PGK1: variants seen among roughly 807,000 people sequenced by gnomAD.
The protein encoded by PGK1 is phosphoglycerate kinase 1.
A neutral mutation model predicts 26.9 loss-of-function variants in PGK1; 3 were observed. The observed-to-expected ratio is 0.11, with a 90% CI of 0.05 to 0.29. The LOEUF is 0.29. Ranked by LOEUF, PGK1 falls within the 10% of genes least tolerant of loss-of-function variation. The pLI, the probability that PGK1 is intolerant of heterozygous loss-of-function variation, is 1.00. For missense variants in PGK1, 270 were observed against 314.7 expected (o/e 0.86, Z 1.07); for synonymous variants, 125 against 115.3 (o/e 1.08, Z -0.54).
chrX:78,105,260 TG>T (rs1320410403), intron 1 of PGK1, among the ~76,000 whole-genome samples: 3 of 111,992 alleles, frequency 2.7e-5, no homozygotes, highest in African/African-American at 9.8e-5. Context: ...GTTGGTAGAG[TG>T]GGCAGCTTTT....
intron 6 of PGK1, among the ~76,000 whole-genome samples, chrX:78,121,366 ACTC>A (rs782167806): frequency 9.0e-6 from 1 of 111,043 alleles, no homozygotes; most frequent in Admixed American, 9.6e-5. Context: ...AAGAAATTGA[ACTC>A]CTTTCTAACT....
At chrX:78,123,443 C>T in intron 8 of PGK1, 69 bp downstream of exon 8, 2 of 861,535 alleles carry the variant, frequency 2.3e-6, no homozygotes, top group Non-Finnish European at 3.4e-6. Context: ...TTCATTGATT[C>T]AGCCAATCAA....
intron 1 of PGK1, among the ~76,000 whole-genome samples, chrX:78,104,780 C>T (rs2078261484): frequency 8.9e-6 from 1 of 111,999 alleles, no homozygotes; most frequent in African/African-American, 3.2e-5. Flanking sequence ...CTTGAAAGGT[C>T]ATTTTACTTT....
chrX:78,111,069 C>G (rs2078298596), intron 2 of PGK1, among the ~76,000 whole-genome samples: 1 of 108,201 alleles, frequency 9.2e-6, no homozygotes, highest in Admixed American at 9.9e-5. Flanking sequence ...GGGTATCCAT[C>G]AAGAAGGTTT....
intron 1 of PGK1, chrX:78,106,654 G>A: frequency 6.7e-6 from 5 of 750,213 alleles, no homozygotes; most frequent in Non-Finnish European, 7.9e-6. Context: ...GATTGCCAAG[G>A]GAAATTGATT....
At chrX:78,106,498 C>G (rs1490239386) in intron 1 of PGK1, 12 of 752,599 alleles carry the variant, frequency 1.6e-5, no homozygotes, top group Non-Finnish European at 1.7e-5. Context: ...CATGTGGTGT[C>G]AGCTCAATTC....
At chrX:78,112,085 TC>T (rs1467267445) in intron 2 of PGK1, among the ~76,000 whole-genome samples, 4 of 112,120 alleles carry the variant, frequency 3.6e-5, no homozygotes, top group African/African-American at 9.7e-5. Flanking sequence ...TATCAGACTT[TC>T]CCTGGCCATC....
intron 2 of PGK1, among the ~76,000 whole-genome samples, chrX:78,110,982 T>TA (rs2078298025): frequency 2.1e-4 from 14 of 66,299 alleles, no homozygotes; most frequent in Admixed American, 1.7e-3. Context: ...TTTTGTAGAT[T>TA]TTATATATAT....
chrX:78,115,042 G>A (rs1557247332), intron 4 of PGK1, among the ~76,000 whole-genome samples: 1 of 111,434 alleles, frequency 9.0e-6, no homozygotes, highest in East Asian at 2.8e-4. Context: ...GGGAGTGCCT[G>A]CTTTCAAGCA....
intron 2 of PGK1, among the ~76,000 whole-genome samples, chrX:78,110,805 A>G (rs782606056): frequency 7.2e-5 from 8 of 110,775 alleles, no homozygotes; most frequent in African/African-American, 2.0e-4. Context: ...AAAAACAAAC[A>G]GGAAAGACTT....
intron 1 of PGK1, chrX:78,106,696 C>CT (rs1203083406): frequency 1.4e-6 from 1 of 706,885 alleles, no homozygotes; most frequent in Non-Finnish European, 1.7e-6. Context: ...CCAGAAACCT[C>CT]TGACTTGTTA....
chrX:78,117,926 G>A, intron 5 of PGK1, 125 bp from the exon 6 acceptor site: 1 of 677,857 alleles, frequency 1.5e-6, no homozygotes, highest in East Asian at 3.2e-5. Context: ...TTGCAATGTA[G>A]GGATGAAAAC....
intron 1 of PGK1, among the ~76,000 whole-genome samples, chrX:78,108,180 A>C (rs2078281412): frequency 9.0e-6 from 1 of 111,705 alleles, no homozygotes; most frequent in Admixed American, 9.5e-5. Context: ...CAGCTTGGAT[A>C]GATGAGACAG....
rs1385386866 is a variant in PGK1, at chrX:78,128,045, G to C, written c.*2215G>C. Reference sequence around the variant, plus strand: ...AGTACTTTCTACTGGACTGTTTCCAGGATCACCCCTCATTTATTTGGGTTG... The same window carrying C: ...AGTACTTTCTACTGGACTGTTTCCACGATCACCCCTCATTTATTTGGGTTG... On this transcript the variant is annotated 3_prime_UTR_variant, in exon 11 of 11. Transcript: ENST00000373316. 1 of 112,340 alleles carries C rather than the reference G, an allele frequency of 8.9e-6. No individual in the cohort carries two copies. Among genetic ancestry groups the C allele is most frequent in the African/African-American group, 3.2e-5 (1 of 30,873 alleles). The allele number at this position is 112,340 out of a possible 1,213,427, so 9.3% of individuals were successfully genotyped here.
At chrX:78,105,181 GTCTCTTAC>G (rs1471433435) in intron 1 of PGK1, among the ~76,000 whole-genome samples, 1 of 112,365 alleles carries the variant, frequency 8.9e-6, no homozygotes, top group African/African-American at 3.2e-5. Flanking sequence ...TGCACTTTGG[GTCTCTTAC>G]TCTGCGCATG....
rs1358083673 is a variant in PGK1 at position 78,128,159 on chromosome X, C to T, written c.*2329C>T. 8.9e-6 allele frequency: 1 copy of T among 112,804 alleles called. No homozygotes were observed. Among genetic ancestry groups the T allele is most frequent in the East Asian group, 2.8e-4 (1 of 3,635 alleles). 9.3% of individuals were successfully genotyped at this position (112,804 alleles called of 1,213,427 possible). On this transcript the variant is annotated 3_prime_UTR_variant, in exon 11 of 11. Transcript: ENST00000373316. The stretch of plus-strand genomic sequence containing the variant: ...TGAGTTCCTTCTATGTGCTTAAAGA[C>T]GTGATAGAGGGAATATAAGAGCATT...
Position 78,126,530 on chromosome X carries a change from CCA to C in PGK1, c.*701_*702del, listed in dbSNP as rs1157792372. Reference sequence around the variant, plus strand: ...AGTCAAGGCTTATAACAAAAAAGCCCCAGCCCATTCCTCCCATTCAAGATTCC... The same window carrying C: ...AGTCAAGGCTTATAACAAAAAAGCCCGCCCATTCCTCCCATTCAAGATTCC... On this transcript the variant is annotated 3_prime_UTR_variant, in exon 11 of 11. Transcript: ENST00000373316. The C allele has an allele frequency of 1.8e-5, 2 of 111,929 alleles. No homozygotes were observed. Among genetic ancestry groups the C allele is most frequent in the Admixed American group, 1.9e-4 (2 of 10,542 alleles). 9.2% of individuals were successfully genotyped at this position (111,929 alleles called of 1,213,427 possible).
chrX:78,119,518 A>T (rs1557247791), intron 6 of PGK1, among the ~76,000 whole-genome samples: 1 of 111,292 alleles, frequency 9.0e-6, no homozygotes, highest in Non-Finnish European at 1.9e-5. Flanking sequence ...ATGAAAATTG[A>T]CTCTGGAGTT....
At position 78,129,217 on chromosome X, in the gene PGK1, G is replaced by GTTCCTATCTATCTATCTATC. The variant is rs2078396349; in HGVS notation, c.*3388_*3389insTCCTATCTATCTATCTATCT. 3.4e-5 allele frequency: 2 copies of GTTCCTATCTATCTATCTATC among 58,127 alleles called. No homozygotes were observed. The highest frequency in any genetic ancestry group is 1.9e-4 in the African/African-American group (2 of 10,791). The allele number at this position is 58,127 out of a possible 1,213,427, so 4.8% of individuals were successfully genotyped here. ...CTGCATAAAGAGCATACCCATGTGT[G>GTTCCTATCTATCTATCTATC]TACCTATCTATCTATCTATCTATCT... On this transcript the variant is annotated 3_prime_UTR_variant, in exon 11 of 11. Coordinates refer to ENST00000373316, the MANE Select transcript of PGK1 (RefSeq NM_000291.4).
Sources: gnomAD v4.1 joint callset for allele counts (sites outside exome capture counted in the v4.1 genomes callset) on GRCh38, gnomAD v4.1.1 for gene constraint, MANE v1.5 for transcripts, NCBI Gene and HGNC (gene_info 2026-07-23, HGNC 2026-07-21) for gene names.